Variants in RAB6B observed in about 807,000 individuals in gnomAD.
RAB6B encodes the protein RAB6B, member RAS oncogene family.
In RAB6B, 7 loss-of-function variants were observed where a neutral mutation model predicts 31.2. That is an observed-to-expected ratio of 0.22 (90% CI 0.13 to 0.42). RAB6B has a LOEUF of 0.42. Ranked by LOEUF, RAB6B falls within the 10% of genes least tolerant of loss-of-function variation. RAB6B has a pLI of 1.00. For missense variants in RAB6B, 149 were observed against 280.6 expected (o/e 0.53, Z 3.35); for synonymous variants, 105 against 104.9 (o/e 1.00, Z -0.01).
intron 2 of RAB6B, among the ~76,000 whole-genome samples, chr3:133,843,959 T>C (rs917258332): frequency 2.6e-5 from 4 of 152,238 alleles, no homozygotes; most frequent in African/African-American, 9.6e-5. Context: ...TTTAAGTCAC[T>C]GTTATTTTGG....
chr3:133,870,504 TG>T (rs928532300), intron 1 of RAB6B, among the ~76,000 whole-genome samples: 2 of 151,982 alleles, frequency 1.3e-5, no homozygotes, highest in African/African-American at 4.8e-5. Context: ...CTGGAGAGAA[TG>T]GGGAGGAGAG....
At chr3:133,883,130 C>G (rs747937950) in intron 1 of RAB6B, among the ~76,000 whole-genome samples, 8 of 152,198 alleles carry the variant, frequency 5.3e-5, no homozygotes, top group Non-Finnish European at 1.0e-4. Context: ...CTCACAGCAG[C>G]CCAGAGACAG....
At chr3:133,843,826 G>T (rs778476639) in intron 2 of RAB6B, among the ~76,000 whole-genome samples, 163 of 152,284 alleles carry the variant, frequency 1.1e-3, no homozygotes, top group African/African-American at 3.5e-3. Context: ...GTCCGGTGGG[G>T]ATGAGTCATA....
At chr3:133,860,302 T>C (rs1559907077) in intron 2 of RAB6B, among the ~76,000 whole-genome samples, 1 of 152,122 alleles carries the variant, frequency 6.6e-6, no homozygotes, top group African/African-American at 2.4e-5. Context: ...GTGACTGGTG[T>C]CCTCTTAAGA....
chr3:133,828,000 G>A lies in RAB6B; in HGVS notation c.*788C>T, dbSNP rs1415853545. The A allele has an allele frequency of 5.7e-6, 4 of 702,612 alleles. No homozygotes were observed. The highest frequency in any genetic ancestry group is 4.0e-5 in the Admixed American group (2 of 49,976). The allele number at this position is 702,612 out of a possible 1,614,324, so 43.5% of individuals were successfully genotyped here. A position where few individuals can be genotyped will look rare whatever the true frequency, so the allele number is the denominator to read the frequency against. On this transcript the variant is annotated 3_prime_UTR_variant, in exon 8 of 8. Coordinates refer to ENST00000285208, the MANE Select transcript of RAB6B (RefSeq NM_016577.4). ...GCCAACAGCACCTCGTCCTTCTGAT[G>A]GCCTCTTGCTCTGCCAGTCCCTGAG...
intron 2 of RAB6B, among the ~76,000 whole-genome samples, chr3:133,841,948 C>G (rs1935841907): frequency 6.6e-6 from 1 of 152,204 alleles, no homozygotes; most frequent in African/African-American, 2.4e-5. Context: ...GAGGCCTCCC[C>G]AGGAGCAAGG....
At chr3:133,871,719 G>A (rs1160150497) in intron 1 of RAB6B, among the ~76,000 whole-genome samples, 1 of 152,246 alleles carries the variant, frequency 6.6e-6, no homozygotes, top group Non-Finnish European at 1.5e-5. Flanking sequence ...GGGGAGAGCA[G>A]GGGGCAGAGC....
intron 1 of RAB6B, among the ~76,000 whole-genome samples, chr3:133,875,665 G>T (rs1174238498): frequency 6.6e-6 from 1 of 152,080 alleles, no homozygotes; most frequent in Non-Finnish European, 1.5e-5. Flanking sequence ...CCTGCCCTGG[G>T]GCTTCTAAAC....
chr3:133,828,421 A>C lies in RAB6B; in HGVS notation c.*367T>G. The stretch of plus-strand genomic sequence containing the variant: ...GAGGTGTGTGGAAAAGGTTCTCTAT[A>C]AGTTTACAAATATACAAAAACAAAA... On this transcript the variant is annotated 3_prime_UTR_variant, in exon 8 of 8. Transcript: ENST00000285208. 2.7e-6 allele frequency: 1 copy of C among 366,964 alleles called. No homozygotes were observed. The allele number at this position is 366,964 out of a possible 1,614,324, so 22.7% of individuals were successfully genotyped here.
chr3:133,855,816 A>G (rs1424781035), intron 2 of RAB6B, among the ~76,000 whole-genome samples: 6 of 152,208 alleles, frequency 3.9e-5, no homozygotes, highest in Non-Finnish European at 5.9e-5. Context: ...CCCAGCACCC[A>G]TTGGCAACCT....
intron 6 of RAB6B, among the ~76,000 whole-genome samples, chr3:133,837,418 G>A (rs1008078332): frequency 6.6e-6 from 1 of 152,204 alleles, no homozygotes; most frequent in African/African-American, 2.4e-5. Flanking sequence ...CAAGATACCT[G>A]CAACACTATG....
chr3:133,885,643 G>C (rs576517617), intron 1 of RAB6B: 1 of 702,948 alleles, frequency 1.4e-6, no homozygotes, highest in South Asian at 1.5e-5. Context: ...TGGAAGGCCA[G>C]AGCAGTCAGG....
chr3:133,864,774 G>A lies in RAB6B; in HGVS notation c.71-132C>T, dbSNP rs1576403382. 6 of 865,864 alleles carry A rather than the reference G, an allele frequency of 6.9e-6. No individual in the cohort carries two copies. The East Asian group carries it at 7.7e-5, about 11-fold the overall frequency. 53.6% of individuals were successfully genotyped at this position (865,864 alleles called of 1,614,324 possible). On this transcript the variant is annotated intron_variant, in intron 1 of 7. Transcript: ENST00000285208. The stretch of plus-strand genomic sequence containing the variant: ...AAGGCCGAGTTGCAGAAATACAGAA[G>A]TGGGAGACAGGCCCCTGCTAGGGAC...
chr3:133,859,971 G>A (rs1055395742), intron 2 of RAB6B, among the ~76,000 whole-genome samples: 6 of 152,298 alleles, frequency 3.9e-5, no homozygotes, highest in South Asian at 2.1e-4. Context: ...AAAGGATCCC[G>A]GGGGAAATGG....
intron 6 of RAB6B, 95 bp from the exon 7 acceptor site, chr3:133,834,736 C>A (rs2107987377): frequency 8.4e-7 from 1 of 1,193,386 alleles, no homozygotes; most frequent in Non-Finnish European, 1.2e-6. Flanking sequence ...CCCCTCCCAA[C>A]CTGCAGCTTT....
chr3:133,888,941 C>T (rs552360326), intron 1 of RAB6B, among the ~76,000 whole-genome samples: 15 of 152,274 alleles, frequency 9.9e-5, no homozygotes, highest in South Asian at 2.1e-4. Context: ...CATTTCAGGG[C>T]GTGTCTGGTA....
chr3:133,870,289 G>A (rs982048582), intron 1 of RAB6B, among the ~76,000 whole-genome samples: 1 of 152,094 alleles, frequency 6.6e-6, no homozygotes, highest in Non-Finnish European at 1.5e-5. Flanking sequence ...TCACTATCAC[G>A]AGAAGAGCAT....
At chr3:133,842,823 A>G (rs976878362) in intron 2 of RAB6B, among the ~76,000 whole-genome samples, 1 of 152,220 alleles carries the variant, frequency 6.6e-6, no homozygotes, top group Non-Finnish European at 1.5e-5. Context: ...CCTTCATTAC[A>G]CTTTTCTCTA....
intron 1 of RAB6B, among the ~76,000 whole-genome samples, chr3:133,880,809 C>G (rs1373156075): frequency 6.6e-6 from 1 of 152,236 alleles, no homozygotes; most frequent in Non-Finnish European, 1.5e-5. Context: ...TTCTAGACCT[C>G]TCATTCAGTC....
Sources: gnomAD v4.1 joint callset for allele counts (sites outside exome capture counted in the v4.1 genomes callset) on GRCh38, gnomAD v4.1.1 for gene constraint, MANE v1.5 for transcripts, NCBI Gene and HGNC (gene_info 2026-07-23, HGNC 2026-07-21) for gene names.